SEZ6L: variants seen among roughly 807,000 people sequenced by gnomAD.
SEZ6L encodes the protein seizure 6-like protein.
Under a neutral mutation model 106.2 loss-of-function variants are expected in SEZ6L, and 37 were observed. That is an observed-to-expected ratio of 0.35 (90% CI 0.27 to 0.46). The LOEUF is 0.46. Among genes scored for constraint, SEZ6L ranks in the 20% least tolerant of loss-of-function variants. SEZ6L has a pLI of 1.00. For missense variants in SEZ6L, 1,172 were observed against 1,332.8 expected (o/e 0.88, Z 1.88); for synonymous variants, 541 against 570.4 (o/e 0.95, Z 0.73).
intron 10 of SEZ6L, among the ~76,000 whole-genome samples, chr22:26,342,204 A>T (rs1432496949): frequency 1.3e-5 from 2 of 152,202 alleles, no homozygotes; most frequent in Non-Finnish European, 2.9e-5. Flanking sequence ...TTCAATGGGC[A>T]GGATTCGGCC....
intron 1 of SEZ6L, among the ~76,000 whole-genome samples, chr22:26,185,904 AG>A (rs1040659477): frequency 7.9e-5 from 12 of 152,244 alleles, no homozygotes; most frequent in Admixed American, 4.6e-4. Context: ...TAGTACGAAT[AG>A]GGGTGGGAAT....
At chr22:26,180,807 G>A (rs1939340345) in intron 1 of SEZ6L, among the ~76,000 whole-genome samples, 1 of 152,196 alleles carries the variant, frequency 6.6e-6, no homozygotes, top group South Asian at 2.1e-4. Flanking sequence ...CAATAAGGGA[G>A]GTTGGTAGGA....
intron 11 of SEZ6L, among the ~76,000 whole-genome samples, chr22:26,348,688 A>G (rs2083140492): frequency 1.3e-5 from 1 of 78,350 alleles, no homozygotes; most frequent in African/African-American, 5.3e-5. Context: ...GAAAGAAAGA[A>G]AGAAAGAAAG....
intron 13 of SEZ6L, among the ~76,000 whole-genome samples, chr22:26,368,514 T>G (rs2083895415): frequency 2.0e-5 from 3 of 152,228 alleles, no homozygotes; most frequent in African/African-American, 7.2e-5. Context: ...TCACATGTTT[T>G]AGGGTTCTGT....
At position 26,380,345 on chromosome 22, in the gene SEZ6L, C is replaced by T. The variant is rs75138773; in HGVS notation, c.*50C>T. The T allele has an allele frequency of 1.9e-3, 2,823 of 1,501,082 alleles. 38 individuals are homozygous for T. The African/African-American group carries it at 0.034, about 18-fold the overall frequency. The allele number at this position is 1,501,082 out of a possible 1,614,324, so 93.0% of individuals were successfully genotyped here. ...CTTGTGAACTCAACCACAATCTCCTCGAGACATTCATCCAGAGACCATGTG... is the reference window on the plus strand; with the variant it reads ...CTTGTGAACTCAACCACAATCTCCTTGAGACATTCATCCAGAGACCATGTG... On this transcript the variant is annotated 3_prime_UTR_variant, in exon 17 of 17. Transcript: ENST00000248933.
At chr22:26,198,819 G>A (rs2145673438) in intron 1 of SEZ6L, among the ~76,000 whole-genome samples, 1 of 152,356 alleles carries the variant, frequency 6.6e-6, no homozygotes, top group East Asian at 1.9e-4. Context: ...ACTGCTCCCG[G>A]TAGACATTCC....
At chr22:26,340,736 A>T in intron 10 of SEZ6L, 104 bp downstream of exon 10, 1 of 907,926 alleles carries the variant, frequency 1.1e-6, no homozygotes, top group Non-Finnish European at 1.6e-6. Flanking sequence ...GCGATTTTTC[A>T]TTGTATTGTA....
In SEZ6L at chr22:26,321,426, A is replaced by G. The variant is rs541913077; in HGVS notation, c.2015+7524A>G. On this transcript the variant is annotated intron_variant, in intron 9 of 16. Transcript: ENST00000248933. The stretch of plus-strand genomic sequence containing the variant: ...ACATTAGGGAGTCTGGGCTTCCCCA[A>G]ATTGGGCAGCAGGAAAAGGGTTTAA... Among the ~76,000 whole-genome samples the G allele has an allele frequency of 7.0e-4, 106 of 152,324 alleles. 1 individual carries two copies. The highest frequency in any genetic ancestry group is 2.4e-3 in the African/African-American group (101 of 41,578).
chr22:26,348,563 G>GA, intron 11 of SEZ6L, among the ~76,000 whole-genome samples: 2 of 25,626 alleles, frequency 7.8e-5, no homozygotes, highest in Middle Eastern at 0.022. Flanking sequence ...GGAAGGAAGG[G>GA]AGGAAAGAAA....
chr22:26,324,124 G>A (rs138286186), intron 9 of SEZ6L, among the ~76,000 whole-genome samples: 63 of 138,516 alleles, frequency 4.5e-4, no homozygotes, highest in Non-Finnish European at 7.5e-4. Flanking sequence ...ACACACAAAC[G>A]GTAGGGAAGT....
intron 1 of SEZ6L, among the ~76,000 whole-genome samples, chr22:26,263,828 A>G (rs527995681): frequency 6.6e-6 from 1 of 152,142 alleles, no homozygotes; most frequent in African/African-American, 2.4e-5. Flanking sequence ...ATCCAACTCA[A>G]TCCCAAGACT....
intron 13 of SEZ6L, 119 bp downstream of exon 13, chr22:26,365,685 C>A: frequency 4.8e-6 from 4 of 838,128 alleles, no homozygotes; most frequent in Non-Finnish European, 5.3e-6. Flanking sequence ...CCAGCCGAGG[C>A]AACATAGTGA....
At chr22:26,255,481 G>A (rs549020595) in intron 1 of SEZ6L, among the ~76,000 whole-genome samples, 76 of 152,344 alleles carry the variant, frequency 5.0e-4, no homozygotes, top group South Asian at 1.7e-3. Context: ...CCCACTACAT[G>A]GAAGAGAAGG....
intron 1 of SEZ6L, among the ~76,000 whole-genome samples, chr22:26,260,967 A>G (rs2079983721): frequency 6.6e-6 from 1 of 151,966 alleles, no homozygotes; most frequent in Admixed American, 6.5e-5. Context: ...TTTGATTTTC[A>G]TTTCCCTGAT....
intron 1 of SEZ6L, among the ~76,000 whole-genome samples, chr22:26,274,251 T>A (rs1236834734): frequency 6.6e-6 from 1 of 152,200 alleles, no homozygotes; most frequent in Non-Finnish European, 1.5e-5. Context: ...AATGAAATGA[T>A]CCATAAGTTT....
intron 1 of SEZ6L, among the ~76,000 whole-genome samples, chr22:26,240,110 A>G (rs7289446): frequency 0.25 from 37,464 of 150,778 alleles, 4,887 homozygotes; most frequent in South Asian, 0.33. Context: ...ACACACACAC[A>G]CACACACACA....
chr22:26,342,680 G>A (rs1476833665), intron 10 of SEZ6L, among the ~76,000 whole-genome samples: 2 of 151,226 alleles, frequency 1.3e-5, no homozygotes, highest in Non-Finnish European at 2.9e-5. Context: ...GGGTGATAGA[G>A]CGAGACTCCG....
Position 26,174,979 on chromosome 22 carries a change from T to C in SEZ6L, c.94+5216T>C, listed in dbSNP as rs533973280. Among the ~76,000 whole-genome samples, 4 of 152,332 alleles carry C rather than the reference T, an allele frequency of 2.6e-5. No homozygotes were observed. The South Asian group carries it at 8.3e-4, about 32-fold the overall frequency. On this transcript the variant is annotated intron_variant, in intron 1 of 16. Transcript: ENST00000248933. ...GTATGGACTGGGGAAACTGAGGTAC[T>C]GAGAGGTTAAGCAATGCCTAACATC...
Position 26,365,493 on chromosome 22 carries a change from C to T in SEZ6L, c.2721C>T (p.Leu907=). 6.2e-7 allele frequency: 1 copy of T among 1,614,202 alleles called. No homozygotes were observed. Among genetic ancestry groups the T allele is most frequent in the Non-Finnish European group, 8.5e-7 (1 of 1,180,034 alleles). Residue 907 remains leucine, a synonymous_variant, in exon 13 of 17, where the codon CTC becomes CTT. Coordinates refer to ENST00000248933, the MANE Select transcript of SEZ6L (RefSeq NM_021115.5). Reference sequence around the variant, plus strand: ...TCATGTGCTACGAAGGCTTTGAGCTCATGGGTGAAGTGACCATCCGCTGCA... The same window carrying T: ...TCATGTGCTACGAAGGCTTTGAGCTTATGGGTGAAGTGACCATCCGCTGCA... The part of the protein sequence containing the change: ...LTFMCYEGFE[L]MGEVTIRCIL...
Sources: gnomAD v4.1 joint callset for allele counts (sites outside exome capture counted in the v4.1 genomes callset) on GRCh38, gnomAD v4.1.1 for gene constraint, MANE v1.5 for transcripts, NCBI Gene and HGNC (gene_info 2026-07-23, HGNC 2026-07-21) for gene names.